The following SLC68A1 variants were observed in gnomAD, a reference collection of about 807,000 sequenced individuals.
The protein encoded by SLC68A1 is major facilitator superfamily domain containing 13A.
chr10:102,474,047 C>T, the SLC68A1 span: 16 of 1,548,480 alleles, frequency 1.0e-5, no homozygotes, highest in South Asian at 1.9e-4. Context: ...GCTCTTAAGG[C>T]TCCAGGGGGC....
chr10:102,476,343 C>G, the SLC68A1 span: 1 of 303,254 alleles, frequency 3.3e-6, no homozygotes. Context: ...GCTGGGATTA[C>G]AGGCGTGAGC....
chr10:102,476,040 CAG>C, the SLC68A1 span: 1 of 919,738 alleles, frequency 1.1e-6, no homozygotes, highest in Non-Finnish European at 1.4e-6. Context: ...GGGAAGGAGC[CAG>C]TTTTTTTTGG....
the SLC68A1 span, chr10:102,471,972 C>A: frequency 4.4e-6 from 2 of 454,878 alleles, no homozygotes; most frequent in African/African-American, 4.0e-5. Flanking sequence ...ACAGAGATGC[C>A]CCCTTTGGGG....
At chr10:102,472,924 C>A in the SLC68A1 span, 1 of 1,614,178 alleles carries the variant, frequency 6.2e-7, no homozygotes, top group South Asian at 1.1e-5. Flanking sequence ...GACCATATCT[C>A]CCTTTCCACG....
At chr10:102,474,928 A>G in the SLC68A1 span, among the ~76,000 whole-genome samples, 1 of 150,354 alleles carries the variant, frequency 6.7e-6, no homozygotes, top group South Asian at 2.2e-4. Flanking sequence ...GATTACAGGC[A>G]TGAGCCACCA....
chr10:102,472,985 G>A, the SLC68A1 span: 2 of 1,486,026 alleles, frequency 1.3e-6, no homozygotes, highest in South Asian at 1.1e-5. Flanking sequence ...ATGCAAGCTG[G>A]AAGGAGAGAG....
At chr10:102,476,756 G>A in the SLC68A1 span, 275 of 986,082 alleles carry the variant, frequency 2.8e-4, 1 homozygote, top group African/African-American at 4.5e-3. Flanking sequence ...GCCTGCCATG[G>A]GGCGTGGGAG....
At chr10:102,467,440 A>AGCTTGCATGCTTTGAAAAC in the SLC68A1 span, among the ~76,000 whole-genome samples, 2 of 152,234 alleles carry the variant, frequency 1.3e-5, no homozygotes, top group Non-Finnish European at 2.9e-5. Context: ...TCACAGGTAC[A>AGCTTGCATGCTTTGAAAAC]TGCATATGGT....
At chr10:102,472,818 A>G in the SLC68A1 span, 2 of 1,552,942 alleles carry the variant, frequency 1.3e-6, no homozygotes, top group Non-Finnish European at 1.8e-6. Flanking sequence ...CTCTCCTCCC[A>G]CTGGAAGCCT....
the SLC68A1 span, chr10:102,470,626 T>C: frequency 1.3e-6 from 2 of 1,583,960 alleles, no homozygotes; most frequent in South Asian, 2.3e-5. Flanking sequence ...CTGCCAAGTC[T>C]GACACGGCAT....
chr10:102,470,156 G>A, the SLC68A1 span: 1 of 1,337,224 alleles, frequency 7.5e-7, no homozygotes, highest in South Asian at 1.2e-5. Flanking sequence ...GCCTGTGTTT[G>A]GGGTGGGGAA....
At chr10:102,473,845 G>T in the SLC68A1 span, 1 of 1,613,438 alleles carries the variant, frequency 6.2e-7, no homozygotes, top group Non-Finnish European at 8.5e-7. Context: ...GAGGGCACCT[G>T]TAAGCTGCTG....
the SLC68A1 span, among the ~76,000 whole-genome samples, chr10:102,471,619 G>A: frequency 9.2e-5 from 14 of 152,158 alleles, no homozygotes; most frequent in East Asian, 1.9e-4. Flanking sequence ...TGGGCGTGGT[G>A]TAATTCCAGC....
the SLC68A1 span, chr10:102,473,651 G>T: frequency 3.7e-6 from 6 of 1,613,938 alleles, no homozygotes; most frequent in South Asian, 6.6e-5. Context: ...GCGGTGGTGC[G>T]GGGGCTCTTC....
the SLC68A1 span, among the ~76,000 whole-genome samples, chr10:102,474,166 G>A: frequency 1.3e-5 from 2 of 152,228 alleles, no homozygotes; most frequent in Non-Finnish European, 2.9e-5. Flanking sequence ...CACCGATTCC[G>A]CCATGCTTTC....
the SLC68A1 span, among the ~76,000 whole-genome samples, chr10:102,466,293 G>T: frequency 6.6e-6 from 1 of 152,048 alleles, no homozygotes; most frequent in Admixed American, 6.6e-5. Flanking sequence ...AGACCAGCCT[G>T]GGCAACATGG....
chr10:102,473,314 G>A, the SLC68A1 span, among the ~76,000 whole-genome samples: 2 of 152,134 alleles, frequency 1.3e-5, no homozygotes, highest in Admixed American at 6.5e-5. Context: ...TGTGAGTCTT[G>A]ACTCTGTGCT....
chr10:102,469,296 C>T, the SLC68A1 span: 673 of 1,222,564 alleles, frequency 5.5e-4, 3 homozygotes, highest in African/African-American at 9.7e-3. Context: ...TGGTCCCACC[C>T]AGTCAGAGGC....
At chr10:102,466,313 A>G in the SLC68A1 span, among the ~76,000 whole-genome samples, 1 of 151,904 alleles carries the variant, frequency 6.6e-6, no homozygotes, top group Admixed American at 6.6e-5. Context: ...GTGAAACCCC[A>G]TCTCTACAAA....
Sources: allele counts gnomAD v4.1 joint callset (sites outside exome capture counted in the v4.1 genomes callset), GRCh38; gene constraint gnomAD v4.1.1; transcripts MANE v1.5; gene names NCBI Gene and HGNC (gene_info 2026-07-23, HGNC 2026-07-21).